Variants in KLHL32 observed in about 807,000 individuals in gnomAD.
KLHL32 encodes the protein kelch like family member 32.
Under a neutral mutation model 64.8 loss-of-function variants are expected in KLHL32, and 35 were observed. That is an observed-to-expected ratio of 0.54 (90% CI 0.41 to 0.72). The LOEUF is 0.72. KLHL32 is among the 30% of genes least tolerant of loss of function. The pLI is 0.00. For missense variants in KLHL32, 589 were observed against 768.5 expected (o/e 0.77, Z 2.76); for synonymous variants, 259 against 281.0 (o/e 0.92, Z 0.78).
intron 7 of KLHL32, among the ~76,000 whole-genome samples, chr6:97,118,619 CA>C (rs376156341): frequency 2.0e-3 from 198 of 101,188 alleles, no homozygotes; most frequent in Admixed American, 2.4e-3. Flanking sequence ...AACTGCATCT[CA>C]AAAAAAAAAA....
chr6:97,070,393 AT>A (rs1462163252), intron 5 of KLHL32, among the ~76,000 whole-genome samples: 1 of 152,084 alleles, frequency 6.6e-6, no homozygotes, highest in African/African-American at 2.4e-5. Context: ...GCCAAATAAC[AT>A]TCATATTTGG....
rs567652981 is a variant in KLHL32 at position 96,936,020 on chromosome 6, G to C, written c.-66+10994G>C. Among the ~76,000 whole-genome samples the C allele has an allele frequency of 3.3e-5, 5 of 152,270 alleles. No individual in the cohort carries two copies. In the East Asian group the frequency reaches 9.7e-4, roughly 29 times the overall value. On this transcript the variant is annotated intron_variant, in intron 1 of 10. Transcript: ENST00000369261. ...CCAACATTGATTGGGCCTTTTCTCA[G>C]CTCAGCCTGTCCCTTTAAGAGAATC...
chr6:97,045,185 G>A (rs534612575), intron 4 of KLHL32, among the ~76,000 whole-genome samples: 1 of 152,238 alleles, frequency 6.6e-6, no homozygotes, highest in African/African-American at 2.4e-5. Context: ...GAGAAAGAAA[G>A]GTGATGGATC....
rs1242838111 is a variant in KLHL32, at chr6:97,064,740, C to A, written c.411+14C>A. The A allele has an allele frequency of 6.3e-7, 1 of 1,577,894 alleles. No homozygotes were observed. The highest frequency in any genetic ancestry group is 8.7e-7 in the Non-Finnish European group (1 of 1,147,074). On this transcript the variant is annotated intron_variant, in intron 5 of 10. Coordinates refer to ENST00000369261, the MANE Select transcript of KLHL32 (RefSeq NM_052904.4). ...TATCTCATCCAGGTATGTGAGCTTG[C>A]ATCCTGCTCATACACCCTTCACATT...
At chr6:96,914,092 A>T in the KLHL32 span, among the ~76,000 whole-genome samples, 2 of 152,156 alleles carry the variant, frequency 1.3e-5, no homozygotes, top group Admixed American at 1.3e-4. Context: ...GGCTTTGAAG[A>T]AAGCGGGGGA....
chr6:96,912,950 T>C, the KLHL32 span, among the ~76,000 whole-genome samples: 1 of 152,216 alleles, frequency 6.6e-6, no homozygotes, highest in Non-Finnish European at 1.5e-5. Context: ...TCAGTTTTAC[T>C]GTGGTATTCA....
the KLHL32 span, among the ~76,000 whole-genome samples, chr6:96,898,150 C>T: frequency 6.6e-6 from 1 of 152,240 alleles, no homozygotes; most frequent in African/African-American, 2.4e-5. Context: ...CTACCCCAGA[C>T]TTTCTGATTT....
intron 5 of KLHL32, among the ~76,000 whole-genome samples, chr6:97,071,360 CG>C (rs908636433): frequency 6.6e-6 from 1 of 152,116 alleles, no homozygotes; most frequent in African/African-American, 2.4e-5. Flanking sequence ...CTCTCTTTCT[CG>C]GGGCTCTCTC....
At chr6:97,022,583 C>A (rs1782155803) in intron 3 of KLHL32, among the ~76,000 whole-genome samples, 1 of 149,862 alleles carries the variant, frequency 6.7e-6, no homozygotes, top group African/African-American at 2.5e-5. Context: ...GATTCTCCTG[C>A]CTCAGCTTTC....
At chr6:96,912,365 G>A in the KLHL32 span, among the ~76,000 whole-genome samples, 8 of 152,060 alleles carry the variant, frequency 5.3e-5, no homozygotes, top group Non-Finnish European at 8.8e-5. Context: ...TTCTCAGTTC[G>A]TGCTTTCTCT....
At chr6:97,073,010 G>C (rs1790994625) in intron 5 of KLHL32, among the ~76,000 whole-genome samples, 1 of 152,298 alleles carries the variant, frequency 6.6e-6, no homozygotes, top group African/African-American at 2.4e-5. Flanking sequence ...AGGATTCAAT[G>C]AGATAGTGCA....
rs150396286 is a variant in KLHL32 at position 96,990,165 on chromosome 6, G to C, written c.204+13988G>C. The stretch of plus-strand genomic sequence containing the variant: ...GTTGTTTGGAGAAAAAGACACTCTG[G>C]CTTTTTGACTTGCCAGAGTTTTTGT... On this transcript the variant is annotated intron_variant, in intron 3 of 10. Coordinates refer to ENST00000369261, the MANE Select transcript of KLHL32 (RefSeq NM_052904.4). Among the ~76,000 whole-genome samples, 49 of 152,240 alleles carry C rather than the reference G, an allele frequency of 3.2e-4. No individual in the cohort carries two copies. The East Asian group carries it at 8.5e-3, about 26-fold the overall frequency.
intron 1 of KLHL32, among the ~76,000 whole-genome samples, chr6:96,958,860 G>C (rs60484445): frequency 0.032 from 4,808 of 151,746 alleles, 193 homozygotes; most frequent in African/African-American, 0.095. Context: ...TATGCAGAAG[G>C]CATGCAGGTG....
At chr6:97,064,900 C>G (rs2128154431) in intron 5 of KLHL32, among the ~76,000 whole-genome samples, 174 bp downstream of exon 5, 1 of 152,252 alleles carries the variant, frequency 6.6e-6, no homozygotes, top group South Asian at 2.1e-4. Flanking sequence ...GCGGCTGCAG[C>G]TCTTGCATCC....
chr6:96,981,967 T>C (rs558910085), intron 3 of KLHL32, among the ~76,000 whole-genome samples: 3 of 152,156 alleles, frequency 2.0e-5, no homozygotes, highest in Non-Finnish European at 4.4e-5. Context: ...GTTTTATGGC[T>C]AATTGAGTCA....
chr6:97,132,892 C>G (rs1162444428), intron 10 of KLHL32, 145 bp downstream of exon 10: 1 of 570,860 alleles, frequency 1.8e-6, no homozygotes, highest in African/African-American at 1.9e-5. Flanking sequence ...AGCCACTAAA[C>G]TTCATCCTGT....
the KLHL32 span, among the ~76,000 whole-genome samples, chr6:96,905,895 A>G: frequency 1.3e-5 from 2 of 152,234 alleles, no homozygotes; most frequent in Non-Finnish European, 2.9e-5. Flanking sequence ...GGCTGTTTTT[A>G]AAATGGTGAA....
At chr6:96,973,543 C>G (rs1775337147) in intron 2 of KLHL32, among the ~76,000 whole-genome samples, 1 of 152,052 alleles carries the variant, frequency 6.6e-6, no homozygotes, top group African/African-American at 2.4e-5. Flanking sequence ...CTTTCAGTCA[C>G]AGTATGAAGA....
At chr6:97,040,448 T>C (rs1784946620) in intron 3 of KLHL32, among the ~76,000 whole-genome samples, 1 of 152,170 alleles carries the variant, frequency 6.6e-6, no homozygotes, top group Non-Finnish European at 1.5e-5. Context: ...TCACTTGCAC[T>C]GAATAGCTGA....
Sources: allele counts gnomAD v4.1 joint callset (sites outside exome capture counted in the v4.1 genomes callset), GRCh38; gene constraint gnomAD v4.1.1; transcripts MANE v1.5; gene names NCBI Gene and HGNC (gene_info 2026-07-23, HGNC 2026-07-21).